MEGF9: variants seen among roughly 807,000 people sequenced by gnomAD.
The protein encoded by MEGF9 is multiple EGF like domains 9.
MEGF9 carries 6 observed loss-of-function variants against 46.8 expected under a neutral mutation model. The ratio of observed to expected loss-of-function variants is 0.13; its 90% CI spans 0.07 to 0.25. The LOEUF (loss-of-function observed/expected upper bound fraction) is 0.25. MEGF9 is among the 10% of genes least tolerant of loss of function. The pLI, the probability that MEGF9 is intolerant of heterozygous loss-of-function variation, is 1.00. For synonymous variants in MEGF9, 302 were observed against 330.7 expected (o/e 0.91, Z 0.94); for missense variants, 683 against 792.4 (o/e 0.86, Z 1.66).
rs186420972 is a variant in MEGF9, at chr9:120,620,343, C to T, written c.943+2273G>A. 4.4e-4 allele frequency among the ~76,000 whole-genome samples: 67 copies of T among 152,194 alleles called. 1 individual carries two copies. The highest frequency in any genetic ancestry group is 1.3e-3 in the African/African-American group (55 of 41,532). On this transcript the variant is annotated intron_variant, in intron 3 of 5. Coordinates refer to ENST00000373930, the MANE Select transcript of MEGF9 (RefSeq NM_001080497.3). ...TATTGAAAATAATCTTTCCTCTGTA[C>T]GCCTTTCCATTCATTTGTTCATTTA...
chr9:120,615,746 T>G (rs1433454000), intron 3 of MEGF9, among the ~76,000 whole-genome samples: 2 of 151,760 alleles, frequency 1.3e-5, no homozygotes, highest in Non-Finnish European at 2.9e-5. Context: ...AATACAAAAA[T>G]TAGCTGGGTG....
Position 120,679,952 on chromosome 9 carries a change from AAAGAG to A in MEGF9, c.602-20382_602-20378del, listed in dbSNP as rs1233536512. On this transcript the variant is annotated intron_variant, in intron 1 of 5. Coordinates refer to ENST00000373930, the MANE Select transcript of MEGF9 (RefSeq NM_001080497.3). ...GACTCCGTCTCAAAAAAAAAAAAAA[AAAGAG>A]AGAGACTCTGATGCATTCTTCAGCA... Among the ~76,000 whole-genome samples the A allele has an allele frequency of 2.7e-3, 407 of 151,854 alleles. 4 individuals carry two copies. The highest frequency in any genetic ancestry group is 9.4e-3 in the African/African-American group (390 of 41,424).
chr9:120,711,842 C>T (rs985804135), intron 1 of MEGF9, among the ~76,000 whole-genome samples: 3 of 140,782 alleles, frequency 2.1e-5, no homozygotes, highest in African/African-American at 8.0e-5. Context: ...TACATACATA[C>T]ATACACACAC....
chr9:120,709,589 C>T (rs1461664306), intron 1 of MEGF9, among the ~76,000 whole-genome samples: 2 of 152,146 alleles, frequency 1.3e-5, no homozygotes, highest in African/African-American at 2.4e-5. Context: ...ACAGAGACAG[C>T]CAACTTTTTC....
chr9:120,637,423 T>C (rs2043582558), intron 2 of MEGF9, among the ~76,000 whole-genome samples: 2 of 147,388 alleles, frequency 1.4e-5, no homozygotes, highest in African/African-American at 5.0e-5. Flanking sequence ...GATCAATAAA[T>C]ACTAAAAAAA....
At position 120,605,654 on chromosome 9, in the gene MEGF9, A is replaced by G. The variant is rs1169932725; in HGVS notation, c.1358-13T>C. 1 of 1,516,284 alleles carries G rather than the reference A, an allele frequency of 6.6e-7. No homozygotes were observed. 93.9% of individuals were successfully genotyped at this position (1,516,284 alleles called of 1,614,324 possible). A position where few individuals can be genotyped will look rare whatever the true frequency, so the allele number is the denominator to read the frequency against. On this transcript the variant is annotated splice_polypyrimidine_tract_variant and intron_variant, in intron 5 of 5. Transcript: ENST00000373930. The surrounding 1 kb of genome is among the most constrained non-coding windows in gnomAD (Gnocchi z 4.0). ...GGAAGAATAACTTCTGAAAATAAAAACAGAGAATGAAATGTAAAAGACAAA... is the reference window on the plus strand; with the variant it reads ...GGAAGAATAACTTCTGAAAATAAAAGCAGAGAATGAAATGTAAAAGACAAA...
In MEGF9 at chr9:120,659,407, C is replaced by T. The variant is rs1305816062; in HGVS notation, c.770G>A (p.Ser257Asn). 6.2e-7 allele frequency: 1 copy of T among 1,613,726 alleles called. No homozygotes were observed. The highest frequency in any genetic ancestry group is 1.3e-5 in the African/African-American group (1 of 74,862). Reference sequence around the variant, plus strand: ...CGGTATGCTGAGAGCTCCATGTGGACTACAGTCACATGGCTGACAGAGCCC... The same window carrying T: ...CGGTATGCTGAGAGCTCCATGTGGATTACAGTCACATGGCTGACAGAGCCC... Reference protein sequence around the residue: ...TSGLCQPCDCSPHGALSIPCN... With the variant: ...TSGLCQPCDCNPHGALSIPCN... Residue 257 changes from serine (S) to asparagine (N), a missense_variant, in exon 2 of 6, where the codon AGT (serine) becomes AAT (asparagine). This residue lies in a region of MEGF9 where 370 missense variants were observed against 371.3 expected (regional missense o/e 1.00). Coordinates refer to ENST00000373930, the MANE Select transcript of MEGF9 (RefSeq NM_001080497.3).
At chr9:120,622,130 T>C (rs944098976) in intron 3 of MEGF9, among the ~76,000 whole-genome samples, 5 of 152,214 alleles carry the variant, frequency 3.3e-5, no homozygotes, top group Non-Finnish European at 7.3e-5. Context: ...CAGCCTTCCA[T>C]CTTTTGCATA....
chr9:120,712,981 A>T (rs999149900), intron 1 of MEGF9, among the ~76,000 whole-genome samples: 1 of 152,222 alleles, frequency 6.6e-6, no homozygotes, highest in Admixed American at 6.5e-5. Flanking sequence ...TATCAGCATC[A>T]GCAAAGTTGA....
At chr9:120,626,710 G>T (rs2043526994) in intron 2 of MEGF9, among the ~76,000 whole-genome samples, 1 of 152,138 alleles carries the variant, frequency 6.6e-6, no homozygotes, top group African/African-American at 2.4e-5. Context: ...AGAGTTTATG[G>T]AAAAAACCAG....
intron 1 of MEGF9, among the ~76,000 whole-genome samples, chr9:120,703,412 A>G (rs2043914087): frequency 1.3e-5 from 2 of 152,336 alleles, no homozygotes; most frequent in South Asian, 4.1e-4. Flanking sequence ...AACTACTTTA[A>G]CTTTCTGAAT....
intron 1 of MEGF9, among the ~76,000 whole-genome samples, chr9:120,697,212 A>G (rs919918867): frequency 4.6e-5 from 7 of 152,166 alleles, no homozygotes; most frequent in Non-Finnish European, 8.8e-5. Flanking sequence ...CTTCCCAAGT[A>G]GCTGGGAATA....
Position 120,659,788 on chromosome 9 carries a change from A to AGTGT in MEGF9, c.602-217_602-214dup, listed in dbSNP as rs67080202. Among the ~76,000 whole-genome samples, 1,301 of 143,114 alleles carry AGTGT rather than the reference A, an allele frequency of 9.1e-3. 14 individuals are homozygous for AGTGT. The highest frequency in any genetic ancestry group is 0.028 in the African/African-American group (1,083 of 38,438). 93.9% of individuals were successfully genotyped at this position (143,114 alleles called of 152,430 possible). On this transcript the variant is annotated intron_variant, in intron 1 of 5. Coordinates refer to ENST00000373930, the MANE Select transcript of MEGF9 (RefSeq NM_001080497.3). ...ATAAATTATGTAGTGTGTGTGTGAC[A>AGTGT]GTGTGTGTGTGTGTGTGTGTGTGTG...
At chr9:120,702,055 T>A (rs548177037) in intron 1 of MEGF9, among the ~76,000 whole-genome samples, 2,795 of 150,136 alleles carry the variant, frequency 0.019, 97 homozygotes, top group African/African-American at 0.066. Context: ...AAAAAAAAAA[T>A]AAAAAATTAA....
chr9:120,620,825 C>A (rs1255956469), intron 3 of MEGF9, among the ~76,000 whole-genome samples: 1 of 149,268 alleles, frequency 6.7e-6, no homozygotes, highest in Non-Finnish European at 1.5e-5. Flanking sequence ...ATAAAACTGG[C>A]AAATAGGCAG....
At chr9:120,657,137 T>C (rs1477370642) in intron 2 of MEGF9, among the ~76,000 whole-genome samples, 4 of 152,236 alleles carry the variant, frequency 2.6e-5, no homozygotes, top group Non-Finnish European at 5.9e-5. Flanking sequence ...AAAGCAGCCA[T>C]AGACAATACA....
Position 120,611,832 on chromosome 9 carries a change from AAAGGAAGGAAGG to A in MEGF9, c.1087+552_1087+563del, listed in dbSNP as rs200715578. ...AGAAAGAAAAGAAAAGAAAAGAAAG[AAAGGAAGGAAGG>A]AAGGAAGGAAGGAAGGAAGAAAGAG... On this transcript the variant is annotated intron_variant, in intron 4 of 5. Transcript: ENST00000373930. 6.5e-5 allele frequency among the ~76,000 whole-genome samples: 9 copies of A among 139,348 alleles called. No individual in the cohort carries two copies. In the South Asian group the frequency reaches 7.2e-4, roughly 11 times the overall value. The allele number at this position is 139,348 out of a possible 152,430, so 91.4% of individuals were successfully genotyped here. A position where few individuals can be genotyped will look rare whatever the true frequency, so the allele number is the denominator to read the frequency against.
intron 1 of MEGF9, among the ~76,000 whole-genome samples, chr9:120,668,057 A>G (rs546736579): frequency 8.5e-5 from 13 of 152,120 alleles, no homozygotes; most frequent in Admixed American, 5.9e-4. Flanking sequence ...AACCAACAAA[A>G]CTATATTATC....
intron 2 of MEGF9, among the ~76,000 whole-genome samples, chr9:120,635,753 T>C (rs969598947): frequency 6.6e-6 from 1 of 152,210 alleles, no homozygotes; most frequent in Non-Finnish European, 1.5e-5. Context: ...CTGTATTTCC[T>C]TGTATATCAT....
Sources: gnomAD v4.1 joint callset for allele counts (sites outside exome capture counted in the v4.1 genomes callset) on GRCh38, gnomAD v4.1.1 for gene constraint, gnomAD v4.1.1 regional missense constraint, Gnocchi (gnomAD v3.1) non-coding constraint, MANE v1.5 for transcripts, NCBI Gene and HGNC (gene_info 2026-07-23, HGNC 2026-07-21) for gene names.